Variants in ATP6V1A observed in about 807,000 individuals in gnomAD.
ATP6V1A encodes V-type proton ATPase catalytic subunit A.
In ATP6V1A, 18 loss-of-function variants were observed where a neutral mutation model predicts 70.1. The ratio of observed to expected loss-of-function variants is 0.26; its 90% CI spans 0.18 to 0.38. ATP6V1A has a LOEUF of 0.38. ATP6V1A is among the 10% of genes least tolerant of loss of function. ATP6V1A has a pLI of 1.00. For synonymous variants in ATP6V1A, 232 were observed against 253.8 expected (o/e 0.91, Z 0.82); for missense variants, 424 against 772.4 (o/e 0.55, Z 5.35).
At position 113,795,856 on chromosome 3, in the gene ATP6V1A, C is replaced by T. The variant is rs1333627834; in HGVS notation, c.1227-20C>T. 2.5e-6 allele frequency: 4 copies of T among 1,588,666 alleles called. No individual in the cohort carries two copies. The highest frequency in any genetic ancestry group is 3.4e-6 in the Non-Finnish European group (4 of 1,166,952). On this transcript the variant is annotated intron_variant, in intron 10 of 14. Coordinates refer to ENST00000273398, the MANE Select transcript of ATP6V1A (RefSeq NM_001690.4). ...TAATGACCATTTTTTTTGTAATGACCATATTTTTTTTAAATTTAGAGTTTC... is the reference window on the plus strand; with the variant it reads ...TAATGACCATTTTTTTTGTAATGACTATATTTTTTTTAAATTTAGAGTTTC...
chr3:113,776,222 G>C (rs1252616019), intron 1 of ATP6V1A, among the ~76,000 whole-genome samples: 1 of 152,172 alleles, frequency 6.6e-6, no homozygotes, highest in East Asian at 1.9e-4. Flanking sequence ...AGCTGGATGT[G>C]GTGTCGTGTG....
At chr3:113,777,624 AC>A (rs2108024562) in intron 1 of ATP6V1A, among the ~76,000 whole-genome samples, 1 of 152,284 alleles carries the variant, frequency 6.6e-6, no homozygotes, top group African/African-American at 2.4e-5. Flanking sequence ...GTGGTAGGAC[AC>A]ACCTGTGGTC....
In ATP6V1A at chr3:113,762,006, G is replaced by A. The variant is rs879463831; in HGVS notation, c.-14+14893G>A. ...CAACTCTACTAAAAATACATAATTA[G>A]CTGGGCATGGAGGCACATGCCTGTA... is the stretch of plus-strand genomic sequence containing the variant. On this transcript the variant is annotated intron_variant, in intron 1 of 14. Coordinates refer to ENST00000273398, the MANE Select transcript of ATP6V1A (RefSeq NM_001690.4). 1.1e-3 allele frequency among the ~76,000 whole-genome samples: 131 copies of A among 124,550 alleles called. 27 individuals are homozygous for A. Among genetic ancestry groups the A allele is most frequent in the Middle Eastern group, 4.5e-3 (1 of 224 alleles). 81.7% of individuals were successfully genotyped at this position (124,550 alleles called of 152,430 possible). A position where few individuals can be genotyped will look rare whatever the true frequency, so the allele number is the denominator to read the frequency against.
At chr3:113,807,420 A>T (rs2108047442) in intron 14 of ATP6V1A, among the ~76,000 whole-genome samples, 1 of 151,992 alleles carries the variant, frequency 6.6e-6, no homozygotes, top group East Asian at 1.9e-4. Flanking sequence ...ACCTCAGGTG[A>T]TCTGCCTGCC....
Position 113,773,020 on chromosome 3 carries a change from C to T in ATP6V1A, c.-13-5721C>T, listed in dbSNP as rs1430056671. Among the ~76,000 whole-genome samples the T allele has an allele frequency of 4.4e-5, 6 of 137,686 alleles. No individual in the cohort carries two copies. In the East Asian group the frequency reaches 9.5e-4, roughly 22 times the overall value. 90.3% of individuals were successfully genotyped at this position (137,686 alleles called of 152,430 possible). On this transcript the variant is annotated intron_variant, in intron 1 of 14. Coordinates refer to ENST00000273398, the MANE Select transcript of ATP6V1A (RefSeq NM_001690.4). ...TGGTGCGATCTCGGTTCACTGCAGT[C>T]TCTGCCTCCTGGGTTCAAGCACTTC...
At chr3:113,752,572 T>G (rs997425452) in intron 1 of ATP6V1A, among the ~76,000 whole-genome samples, 8 of 152,054 alleles carry the variant, frequency 5.3e-5, no homozygotes, top group African/African-American at 1.9e-4. Flanking sequence ...CTTGGATATC[T>G]TAAGTGAAAA....
At chr3:113,786,202 C>T (rs1709038373) in intron 5 of ATP6V1A, 30 bp from the exon 6 acceptor site, 3 of 1,559,558 alleles carry the variant, frequency 1.9e-6, no homozygotes, top group South Asian at 1.2e-5. Flanking sequence ...ACAAATTTGA[C>T]CATACTAAAA....
At chr3:113,753,518 G>A (rs1160645874) in intron 1 of ATP6V1A, among the ~76,000 whole-genome samples, 1 of 152,152 alleles carries the variant, frequency 6.6e-6, no homozygotes, top group African/African-American at 2.4e-5. Flanking sequence ...TTCAATGTTA[G>A]TAGTGGCAAA....
chr3:113,775,040 G>A (rs1708892874), intron 1 of ATP6V1A, among the ~76,000 whole-genome samples: 2 of 152,086 alleles, frequency 1.3e-5, no homozygotes, highest in African/African-American at 4.8e-5. Flanking sequence ...GCTTGGAGAG[G>A]AAACATACTT....
In ATP6V1A at chr3:113,763,178, C is replaced by T. The variant is rs576562933; in HGVS notation, c.-13-15563C>T. On this transcript the variant is annotated intron_variant, in intron 1 of 14. Coordinates refer to ENST00000273398, the MANE Select transcript of ATP6V1A (RefSeq NM_001690.4). The stretch of plus-strand genomic sequence containing the variant: ...CGCAATCTCGGCTCACTGCAGCCTC[C>T]GCTTCCTGGGTTCACCATTCTGCCT... Among the ~76,000 whole-genome samples, 25 of 152,258 alleles carry T rather than the reference C, an allele frequency of 1.6e-4. No homozygotes were observed. The South Asian group carries it at 4.8e-3, about 29-fold the overall frequency.
At chr3:113,800,263 T>C (rs1032666457) in intron 12 of ATP6V1A, among the ~76,000 whole-genome samples, 7 of 151,982 alleles carry the variant, frequency 4.6e-5, no homozygotes, top group Non-Finnish European at 1.0e-4. Flanking sequence ...AATTTCTCTT[T>C]AATCTGTAAA....
intron 11 of ATP6V1A, among the ~76,000 whole-genome samples, chr3:113,796,592 C>G (rs1709155263): frequency 1.3e-5 from 2 of 151,912 alleles, no homozygotes; most frequent in South Asian, 4.1e-4. Context: ...AGGTAGCCAG[C>G]TTGGCTATTA....
chr3:113,778,311 T>C (rs1170161282), intron 1 of ATP6V1A, among the ~76,000 whole-genome samples: 4 of 152,104 alleles, frequency 2.6e-5, no homozygotes, highest in African/African-American at 7.2e-5. Context: ...CAGGAATTGC[T>C]TGAACTCGGG....
chr3:113,764,399 G>GA (rs1708743547), intron 1 of ATP6V1A, among the ~76,000 whole-genome samples: 1 of 152,084 alleles, frequency 6.6e-6, no homozygotes, highest in South Asian at 2.1e-4. Context: ...GTAGCGCATA[G>GA]AAAAATTGAA....
intron 8 of ATP6V1A, among the ~76,000 whole-genome samples, chr3:113,791,118 G>C (rs927042423): frequency 2.0e-5 from 3 of 151,884 alleles, no homozygotes; most frequent in African/African-American, 7.3e-5. Context: ...TTAGAAAATT[G>C]CATCTGAAAC....
chr3:113,782,059 A>G (rs1340659678), intron 3 of ATP6V1A, among the ~76,000 whole-genome samples: 4 of 152,208 alleles, frequency 2.6e-5, no homozygotes, highest in Admixed American at 2.0e-4. Context: ...TAGTGCTTCT[A>G]TATGTGTTTT....
At chr3:113,780,848 A>C in intron 2 of ATP6V1A, 1 of 1,347,630 alleles carries the variant, frequency 7.4e-7, no homozygotes, top group Non-Finnish European at 9.8e-7. Flanking sequence ...TAAATAAATA[A>C]TCTTTGGCTT....
chr3:113,805,601 A>C (rs1313973081), intron 14 of ATP6V1A, 76 bp downstream of exon 14: 2 of 1,419,578 alleles, frequency 1.4e-6, no homozygotes, highest in Admixed American at 2.1e-5. Flanking sequence ...ACAGAGTCTC[A>C]CTCTGTTGCG....
At chr3:113,774,284 CTGGACACTTTAGAAA>C (rs990928934) in intron 1 of ATP6V1A, among the ~76,000 whole-genome samples, 8 of 152,158 alleles carry the variant, frequency 5.3e-5, no homozygotes, top group African/African-American at 1.9e-4. Context: ...GTAAGAATCA[CTGGACACTTTAGAAA>C]TGGACACTTT....
Sources: allele counts gnomAD v4.1 joint callset (sites outside exome capture counted in the v4.1 genomes callset), GRCh38; gene constraint gnomAD v4.1.1; transcripts MANE v1.5; gene names NCBI Gene and HGNC (gene_info 2026-07-23, HGNC 2026-07-21).